The following HIPK3 variants were observed in gnomAD, a reference collection of about 807,000 sequenced individuals.
HIPK3 encodes the protein homeodomain interacting protein kinase 3.
HIPK3 carries 47 observed loss-of-function variants against 124.2 expected under a neutral mutation model. The observed-to-expected ratio is 0.38, with a 90% CI of 0.30 to 0.48. The LOEUF is 0.48. HIPK3 is among the 20% of genes least tolerant of loss of function. The pLI, the probability that HIPK3 is intolerant of heterozygous loss-of-function variation, is 0.98. For missense variants in HIPK3, 1,286 were observed against 1,454.3 expected (o/e 0.88, Z 1.88); for synonymous variants, 482 against 515.2 (o/e 0.94, Z 0.87).
At position 33,347,648 on chromosome 11, in the gene HIPK3, A is replaced by G; in HGVS notation, c.2039A>G (p.Gln680Arg). ...VLSQTWSGRT[Q>R]QMLVPAWQQV... ...AAGCAGACGTGGTCTGGTAGAACAC[A>G]GCAGATGCTGGTGCCTGCCTGGCAA... is the stretch of plus-strand genomic sequence containing the variant. The change falls in exon 10 of 17, where the codon CAG becomes CGG. Residue 680 changes from glutamine (Q) to arginine (R), a missense_variant. Gln to Arg is a conservative substitution (Grantham distance 43). Around this residue, in one of 3 missense-constraint regions of HIPK3, gnomAD observed 810 missense variants for 864.9 expected, o/e 0.94. Coordinates refer to ENST00000303296, the MANE Select transcript of HIPK3 (RefSeq NM_005734.5). 5.6e-6 allele frequency: 9 copies of G among 1,614,134 alleles called. No homozygotes were observed. Among genetic ancestry groups the G allele is most frequent in the Non-Finnish European group, 7.6e-6 (9 of 1,179,980 alleles).
intron 1 of HIPK3, among the ~76,000 whole-genome samples, chr11:33,266,229 G>A (rs894355074): frequency 6.6e-6 from 1 of 151,736 alleles, no homozygotes; most frequent in African/African-American, 2.4e-5. Context: ...TTTTATATTT[G>A]TATATGTGCA....
rs997394271 is a variant in HIPK3, at chr11:33,257,919, C to T, written c.-3+30C>T. On this transcript the variant is annotated intron_variant, in intron 1 of 16. Coordinates refer to ENST00000303296, the MANE Select transcript of HIPK3 (RefSeq NM_005734.5). ...GGGAGTCGAGCGAGGGGCGCCGCCA[C>T]CCCGGGGTGGGGGGATCGGCTCCGT... is the stretch of plus-strand genomic sequence containing the variant. The T allele has an allele frequency of 2.3e-5, 23 of 985,680 alleles. No individual in the cohort carries two copies. The African/African-American group carries it at 3.5e-4, about 15-fold the overall frequency. 61.1% of individuals were successfully genotyped at this position (985,680 alleles called of 1,614,324 possible).
intron 2 of HIPK3, among the ~76,000 whole-genome samples, chr11:33,289,085 G>T (rs1851630471): frequency 6.6e-6 from 1 of 152,106 alleles, no homozygotes; most frequent in Admixed American, 6.6e-5. Context: ...CTAAATACAT[G>T]CCCTACCAGT....
chr11:33,326,257 G>A (rs1852808018), intron 2 of HIPK3, among the ~76,000 whole-genome samples: 1 of 152,144 alleles, frequency 6.6e-6, no homozygotes, highest in African/African-American at 2.4e-5. Flanking sequence ...TGATTCCTAA[G>A]TCTAATCCCC....
At chr11:33,279,185 A>G (rs1357196786) in intron 1 of HIPK3, among the ~76,000 whole-genome samples, 1 of 151,942 alleles carries the variant, frequency 6.6e-6, no homozygotes, top group African/African-American at 2.4e-5. Flanking sequence ...ATGGTGGTGT[A>G]TGCCTATAAT....
chr11:33,324,677 G>A (rs1447307149), intron 2 of HIPK3, among the ~76,000 whole-genome samples: 2 of 152,166 alleles, frequency 1.3e-5, no homozygotes, highest in African/African-American at 4.8e-5. Context: ...CACAGTGTGG[G>A]GCACTAGAGT....
In HIPK3 at chr11:33,294,972, A is replaced by G. The variant is rs151313801; in HGVS notation, c.1097+7461A>G. ...GATATATCATAATGATGTCATTCTC[A>G]TGTCTCAAAATGGAGTCACTCATGT... On this transcript the variant is annotated intron_variant, in intron 2 of 16. Coordinates refer to ENST00000303296, the MANE Select transcript of HIPK3 (RefSeq NM_005734.5). 1.3e-5 allele frequency among the ~76,000 whole-genome samples: 2 copies of G among 152,144 alleles called. 1 individual carries two copies. Among genetic ancestry groups the G allele is most frequent in the Non-Finnish European group, 2.9e-5 (2 of 68,006 alleles).
intron 1 of HIPK3, among the ~76,000 whole-genome samples, chr11:33,278,638 A>T (rs1213606309): frequency 1.3e-5 from 2 of 152,120 alleles, no homozygotes; most frequent in African/African-American, 4.8e-5. Context: ...AGGTCAGGAG[A>T]TCGAGACCAT....
chr11:33,257,174 C>G, upstream of HIPK3: 1 of 932,038 alleles, frequency 1.1e-6, no homozygotes, highest in Non-Finnish European at 1.3e-6. Context: ...TGGGGCCGCA[C>G]GGGCTGGCAG....
chr11:33,302,668 C>A (rs1401457292), intron 2 of HIPK3, among the ~76,000 whole-genome samples: 3 of 151,906 alleles, frequency 2.0e-5, no homozygotes, highest in African/African-American at 7.3e-5. Context: ...TAAACCAGTG[C>A]GTTTGATTCA....
chr11:33,284,913 T>C (rs1218847516), intron 1 of HIPK3, among the ~76,000 whole-genome samples: 2 of 152,150 alleles, frequency 1.3e-5, no homozygotes, highest in Admixed American at 1.3e-4. Context: ...CCTGTGTAAT[T>C]ATCAGTTTTT....
chr11:33,259,650 C>T (rs972886208), intron 1 of HIPK3, among the ~76,000 whole-genome samples: 3 of 151,690 alleles, frequency 2.0e-5, no homozygotes, highest in Non-Finnish European at 4.4e-5. Context: ...TAATGCTTAA[C>T]CTGTTTGAGA....
intron 2 of HIPK3, among the ~76,000 whole-genome samples, chr11:33,288,671 G>C (rs1264193340): frequency 2.0e-5 from 3 of 152,172 alleles, no homozygotes; most frequent in Admixed American, 6.5e-5. Context: ...GCAATAGATA[G>C]TATGAGAGGC....
At chr11:33,262,688 A>C (rs1213049221) in intron 1 of HIPK3, among the ~76,000 whole-genome samples, 4 of 152,236 alleles carry the variant, frequency 2.6e-5, no homozygotes, top group African/African-American at 9.6e-5. Context: ...TTTTCAACAG[A>C]AAGTCCTTGA....
rs1853817512 is a variant in HIPK3, at chr11:33,356,409, C to T, written c.*2841C>T. The stretch of plus-strand genomic sequence containing the variant: ...TGACCAGTTTTCTTCGGTTTTAATG[C>T]TTTCTTAAATAAAACACTGCATGAT... On this transcript the variant is annotated 3_prime_UTR_variant, in exon 17 of 17. Transcript: ENST00000303296. The T allele has an allele frequency of 6.6e-6, 1 of 151,832 alleles. No homozygotes were observed. The highest frequency in any genetic ancestry group is 2.4e-5 in the African/African-American group (1 of 41,376). The allele number at this position is 151,832 out of a possible 1,614,324, so 9.4% of individuals were successfully genotyped here. A position where few individuals can be genotyped will look rare whatever the true frequency, so the allele number is the denominator to read the frequency against.
rs762837344 is a variant in HIPK3, at chr11:33,347,377, T to A, written c.1982T>A (p.Val661Glu). 1 of 1,614,118 alleles carries A rather than the reference T, an allele frequency of 6.2e-7. No homozygotes were observed. Among genetic ancestry groups the A allele is most frequent in the Non-Finnish European group, 8.5e-7 (1 of 1,179,988 alleles). Residue 661 changes from valine to glutamate, a missense_variant, in exon 9 of 17, where the codon GTG becomes GAG. By Grantham distance (121) the Val-to-Glu change is moderately radical. Coordinates refer to ENST00000303296, the MANE Select transcript of HIPK3 (RefSeq NM_005734.5). ...CCACTTGTAACTCAGGCCCCAGCTG[T>A]GCAGCCACTACAGATCCGACCAGGA... ...TVPLVTQAPA[V>E]QPLQIRPGVL... is the part of the protein sequence containing the mutation.
intron 1 of HIPK3, among the ~76,000 whole-genome samples, chr11:33,284,827 C>T (rs111561921): frequency 6.6e-6 from 1 of 152,276 alleles, no homozygotes; most frequent in African/African-American, 2.4e-5. Context: ...AGTGATGATT[C>T]TGTCAAATGG....
chr11:33,272,422 T>G (rs1240172188), intron 1 of HIPK3, among the ~76,000 whole-genome samples: 1 of 151,780 alleles, frequency 6.6e-6, no homozygotes, highest in Non-Finnish European at 1.5e-5. Flanking sequence ...TAATAATAAT[T>G]CAATGTCGTT....
chr11:33,311,935 A>ACACT (rs1852359065), intron 2 of HIPK3, among the ~76,000 whole-genome samples: 1 of 127,060 alleles, frequency 7.9e-6, no homozygotes, highest in Admixed American at 8.0e-5. Flanking sequence ...ACACACACAC[A>ACACT]CTACACACAC....
Sources: allele counts gnomAD v4.1 joint callset (sites outside exome capture counted in the v4.1 genomes callset), GRCh38; gene constraint gnomAD v4.1.1; regional missense constraint gnomAD v4.1.1; transcripts MANE v1.5; gene names NCBI Gene and HGNC (gene_info 2026-07-23, HGNC 2026-07-21).